GRIA4: variants seen among roughly 807,000 people sequenced by gnomAD.
GRIA4 encodes the protein glutamate ionotropic receptor AMPA type subunit 4, also known as glutamate receptor 4.
A neutral mutation model predicts 104.0 loss-of-function variants in GRIA4; 34 were observed. That is an observed-to-expected ratio of 0.33 (90% CI 0.25 to 0.44). The LOEUF (loss-of-function observed/expected upper bound fraction) is 0.44. Among genes scored for constraint, GRIA4 ranks in the 20% least tolerant of loss-of-function variants. GRIA4 has a pLI of 1.00. For missense variants in GRIA4, 750 were observed against 1,096.5 expected (o/e 0.68, Z 4.46); for synonymous variants, 386 against 381.9 (o/e 1.01, Z -0.13).
intron 4 of GRIA4, among the ~76,000 whole-genome samples, chr11:105,796,391 T>C (rs1942480865): frequency 6.6e-6 from 1 of 152,182 alleles, no homozygotes; most frequent in Non-Finnish European, 1.5e-5. Context: ...CAGCAGTTAG[T>C]GAGATTTGGA....
At chr11:105,925,094 T>C (rs560002745) in intron 12 of GRIA4, among the ~76,000 whole-genome samples, 41 of 152,262 alleles carry the variant, frequency 2.7e-4, no homozygotes, top group African/African-American at 9.4e-4. Context: ...TTTTGTTTCC[T>C]TTTAAAAAAC....
At chr11:105,791,265 G>T (rs1302531345) in intron 4 of GRIA4, among the ~76,000 whole-genome samples, 1 of 152,092 alleles carries the variant, frequency 6.6e-6, no homozygotes, top group Non-Finnish European at 1.5e-5. Context: ...CCAAAGTAAA[G>T]ATATTGTCTG....
intron 3 of GRIA4, among the ~76,000 whole-genome samples, chr11:105,666,779 T>A (rs1194737526): frequency 6.6e-6 from 1 of 151,984 alleles, no homozygotes; most frequent in Non-Finnish European, 1.5e-5. Flanking sequence ...GTGCCTTGCA[T>A]GAAACATTAT....
rs957518998 is a variant in GRIA4 at position 105,611,044 on chromosome 11, G to T, written c.47G>T (p.Trp16Leu). 3 of 1,613,520 alleles carry T rather than the reference G, an allele frequency of 1.9e-6. No homozygotes were observed. Among genetic ancestry groups the T allele is most frequent in the African/African-American group, 2.7e-5 (2 of 74,830 alleles). The change falls in exon 2 of 17, where the codon TGG (tryptophan) becomes TTG (leucine). Residue 16 changes from tryptophan to leucine, a missense_variant. Transcript: ENST00000282499. ...RQIVLLFSGF[W>L]GLAMGAFPSS... Reference sequence around the variant, plus strand: ...ATTGTCTTGTTATTTTCTGGATTTTGGGGACTCGCCATGGGAGCCTTTCCG... The same window carrying T: ...ATTGTCTTGTTATTTTCTGGATTTTTGGGACTCGCCATGGGAGCCTTTCCG...
At chr11:105,912,794 T>C (rs376918394) in intron 10 of GRIA4, 1 of 983,292 alleles carries the variant, frequency 1.0e-6, no homozygotes, top group South Asian at 4.7e-5. Context: ...CCAGGACCTA[T>C]GATATCCCTC....
intron 5 of GRIA4, among the ~76,000 whole-genome samples, chr11:105,880,488 A>G (rs935605006): frequency 6.6e-6 from 1 of 152,202 alleles, no homozygotes; most frequent in African/African-American, 2.4e-5. Flanking sequence ...CCCTATCCAA[A>G]CCATATCTCT....
chr11:105,881,206 T>C (rs555482321), intron 5 of GRIA4, among the ~76,000 whole-genome samples: 1 of 151,896 alleles, frequency 6.6e-6, no homozygotes, highest in Non-Finnish European at 1.5e-5. Context: ...GGCAAGGGAG[T>C]TGGAGTACTT....
chr11:105,869,921 A>C (rs1308056085), intron 5 of GRIA4, among the ~76,000 whole-genome samples: 1 of 152,114 alleles, frequency 6.6e-6, no homozygotes, highest in African/African-American at 2.4e-5. Flanking sequence ...GAAATAAAGT[A>C]GTGTAATTTT....
chr11:105,801,427 G>GA lies in GRIA4; in HGVS notation c.487+48213dup, dbSNP rs570029899. 4.1e-3 allele frequency among the ~76,000 whole-genome samples: 616 copies of GA among 151,874 alleles called. 3 individuals carry two copies. The highest frequency in any genetic ancestry group is 7.1e-3 in the Non-Finnish European group (482 of 67,870). On this transcript the variant is annotated intron_variant, in intron 4 of 16. Transcript: ENST00000282499. ...AGAGAGAAAAATGAACATTTTAACA[G>GA]AAAAAATAGAAAGTAATATGTTTAT... is the stretch of plus-strand genomic sequence containing the variant.
At chr11:105,773,436 A>G (rs1941304955) in intron 4 of GRIA4, among the ~76,000 whole-genome samples, 1 of 152,164 alleles carries the variant, frequency 6.6e-6, no homozygotes, top group Non-Finnish European at 1.5e-5. Context: ...TAAATCTATA[A>G]TGTTTATCCA....
intron 11 of GRIA4, among the ~76,000 whole-genome samples, chr11:105,923,421 C>T (rs1947622236): frequency 6.6e-6 from 1 of 152,070 alleles, no homozygotes; most frequent in Non-Finnish European, 1.5e-5. Context: ...AATCTCCCTT[C>T]TCTGAATCTC....
chr11:105,736,701 A>T (rs776246893), intron 3 of GRIA4, among the ~76,000 whole-genome samples: 7 of 151,850 alleles, frequency 4.6e-5, no homozygotes, highest in Admixed American at 3.3e-4. Context: ...ATACATTTAA[A>T]TTTTTTTTCA....
intron 3 of GRIA4, among the ~76,000 whole-genome samples, chr11:105,643,128 C>T (rs886265911): frequency 6.6e-6 from 1 of 152,092 alleles, no homozygotes; most frequent in Non-Finnish European, 1.5e-5. Flanking sequence ...GAGTCCCTCC[C>T]ATGACAAGTG....
At position 105,610,292 on chromosome 11, in the gene GRIA4, G is replaced by A. The variant is rs1950436594; in HGVS notation, c.-227G>A. 1 of 152,446 alleles carries A rather than the reference G, an allele frequency of 6.6e-6. No individual in the cohort carries two copies. The highest frequency in any genetic ancestry group is 2.1e-4 in the South Asian group (1 of 4,836). 9.4% of individuals were successfully genotyped at this position (152,446 alleles called of 1,614,324 possible). On this transcript the variant is annotated 5_prime_UTR_variant, in exon 1 of 17. Coordinates refer to ENST00000282499, the MANE Select transcript of GRIA4 (RefSeq NM_000829.4). ...GAGGTGCCAGGAAAACCAAGAGAGGGGCGCTGGGGGTGCCCATCCCCAGAG... is the reference window on the plus strand; with the variant it reads ...GAGGTGCCAGGAAAACCAAGAGAGGAGCGCTGGGGGTGCCCATCCCCAGAG...
intron 4 of GRIA4, among the ~76,000 whole-genome samples, chr11:105,768,369 T>A (rs1386643329): frequency 6.6e-6 from 1 of 152,122 alleles, no homozygotes; most frequent in African/African-American, 2.4e-5. Context: ...ACTTAAAAAT[T>A]AAGATTTGGT....
intron 1 of GRIA4, 189 bp from the exon 2 acceptor site, chr11:105,610,719 G>T: frequency 2.6e-6 from 1 of 386,182 alleles, no homozygotes; most frequent in South Asian, 3.4e-5. Flanking sequence ...TTTTGCATGT[G>T]CAACATTTGC....
intron 4 of GRIA4, among the ~76,000 whole-genome samples, chr11:105,822,901 G>A (rs1943628194): frequency 6.6e-6 from 1 of 152,020 alleles, no homozygotes; most frequent in African/African-American, 2.4e-5. Context: ...TGTATTTTTG[G>A]TTATTACTCT....
At chr11:105,678,754 G>C (rs1276611557) in intron 3 of GRIA4, among the ~76,000 whole-genome samples, 2 of 152,168 alleles carry the variant, frequency 1.3e-5, no homozygotes, top group East Asian at 3.9e-4. Flanking sequence ...CTCTGAATAA[G>C]TTATTCCAGG....
At chr11:105,648,155 A>G (rs954561278) in intron 3 of GRIA4, among the ~76,000 whole-genome samples, 1 of 151,916 alleles carries the variant, frequency 6.6e-6, no homozygotes, top group Non-Finnish European at 1.5e-5. Context: ...AGTGGAGGAA[A>G]GTATGATAAA....
Sources: gnomAD v4.1 joint callset for allele counts (sites outside exome capture counted in the v4.1 genomes callset) on GRCh38, gnomAD v4.1.1 for gene constraint, MANE v1.5 for transcripts, NCBI Gene and HGNC (gene_info 2026-07-23, HGNC 2026-07-21) for gene names.